The following UNC13C variants were observed in gnomAD, a reference collection of about 807,000 sequenced individuals.
The protein encoded by UNC13C is protein unc-13 homolog C.
In UNC13C, 174 loss-of-function variants were observed where a neutral mutation model predicts 245.4. The ratio of observed to expected loss-of-function variants is 0.71; its 90% CI spans 0.63 to 0.80. The LOEUF (loss-of-function observed/expected upper bound fraction) is 0.80, where lower values mean the gene tolerates loss of function less well. Among genes scored for constraint, UNC13C ranks in the 30% least tolerant of loss-of-function variants. UNC13C has a pLI of 0.00. For synonymous variants in UNC13C, 992 were observed against 895.1 expected (o/e 1.11, Z -1.93); for missense variants, 2,829 against 2,602.9 (o/e 1.09, Z -1.89).
At chr15:54,594,158 C>T (rs1172228323) in intron 30 of UNC13C, among the ~76,000 whole-genome samples, 1 of 152,160 alleles carries the variant, frequency 6.6e-6, no homozygotes, top group Non-Finnish European at 1.5e-5. Context: ...GTTGTCTGCA[C>T]AGAGTCTTGT....
chr15:54,248,209 A>C (rs985437979), intron 7 of UNC13C, among the ~76,000 whole-genome samples: 2 of 152,070 alleles, frequency 1.3e-5, no homozygotes, highest in Non-Finnish European at 2.9e-5. Flanking sequence ...TTATTATTCT[A>C]TTTTTATTAT....
intron 2 of UNC13C, among the ~76,000 whole-genome samples, chr15:54,088,201 CTTT>C (rs59075201): frequency 9.6e-6 from 1 of 103,918 alleles, no homozygotes; most frequent in African/African-American, 3.6e-5. Context: ...CTTCCTTTTC[CTTT>C]TTTTTTTTTT....
chr15:53,905,173 A>G, the UNC13C span, among the ~76,000 whole-genome samples: 1 of 152,124 alleles, frequency 6.6e-6, no homozygotes, highest in African/African-American at 2.4e-5. Context: ...TAAAAGCAGA[A>G]CTACCATATG....
intron 19 of UNC13C, among the ~76,000 whole-genome samples, chr15:54,429,546 T>G (rs74016624): frequency 0.011 from 1,681 of 151,888 alleles, 34 homozygotes; most frequent in African/African-American, 0.038. Context: ...ATCATTTCTT[T>G]AATCAAATTC....
At chr15:54,162,081 A>G (rs535943174) in intron 4 of UNC13C, among the ~76,000 whole-genome samples, 1 of 152,284 alleles carries the variant, frequency 6.6e-6, no homozygotes, top group East Asian at 1.9e-4. Flanking sequence ...GTCATTAGGA[A>G]ATTACATATA....
intron 2 of UNC13C, among the ~76,000 whole-genome samples, chr15:54,071,226 A>G (rs1472795204): frequency 6.6e-6 from 1 of 152,162 alleles, no homozygotes; most frequent in East Asian, 1.9e-4. Context: ...GGATTTCAGA[A>G]TTGCAGATAA....
Position 54,014,581 on chromosome 15 carries a change from T to C in UNC13C, c.1678T>C (p.Tyr560His), listed in dbSNP as rs1424682532. The change falls in exon 2 of 33, where the codon TAC becomes CAC. Residue 560 changes from tyrosine to histidine, a missense_variant. By Grantham distance (83) the Tyr-to-His change is moderately conservative (BLOSUM62 2). Transcript: ENST00000260323. ...AGATTTTTCCAAATTGTGTCAGTCT[T>C]ACTCAGAAGATTTTTCAGAAAATCA... ...ESDFSKLCQS[Y>H]SEDFSENQFF... 11 of 1,613,782 alleles carry C rather than the reference T, an allele frequency of 6.8e-6. No homozygotes were observed. Among genetic ancestry groups the C allele is most frequent in the Non-Finnish European group, 8.5e-6 (10 of 1,179,822 alleles).
intron 2 of UNC13C, among the ~76,000 whole-genome samples, chr15:54,132,074 C>CTTTTTTTTTTTTTTTTTT (rs1555420957): frequency 3.3e-4 from 36 of 110,668 alleles, no homozygotes; most frequent in African/African-American, 1.0e-3. Flanking sequence ...TTTTCTTTTT[C>CTTTTTTTTTTTTTTTTTT]TTTTTTTTTT....
At chr15:54,384,403 TG>T (rs1036125784) in intron 17 of UNC13C, among the ~76,000 whole-genome samples, 25 of 152,052 alleles carry the variant, frequency 1.6e-4, no homozygotes, top group African/African-American at 5.8e-4. Context: ...GAACATACAC[TG>T]GGGAAAGCAC....
At chr15:53,898,851 A>G in the UNC13C span, among the ~76,000 whole-genome samples, 1 of 152,334 alleles carries the variant, frequency 6.6e-6, no homozygotes, top group Non-Finnish European at 1.5e-5. Flanking sequence ...ATTGGTAATA[A>G]CTATGACTAT....
chr15:54,302,004 G>C (rs1054370761), intron 13 of UNC13C, among the ~76,000 whole-genome samples: 2 of 151,988 alleles, frequency 1.3e-5, no homozygotes, highest in African/African-American at 4.8e-5. Flanking sequence ...GATGGTATGT[G>C]ATTGTGGTTT....
intron 30 of UNC13C, among the ~76,000 whole-genome samples, chr15:54,571,567 C>T (rs1241226975): frequency 6.6e-6 from 1 of 152,184 alleles, no homozygotes; most frequent in East Asian, 1.9e-4. Context: ...ACCAAATACC[C>T]ATGAATAGTC....
In UNC13C at chr15:54,143,054, C is replaced by A; in HGVS notation, c.3006+14C>A. ...GTGGATGAAAAGGTTTTAAATCATA[C>A]TTATTCTTCCCTCCTGAGGAATCTT... is the stretch of plus-strand genomic sequence containing the variant. On this transcript the variant is annotated intron_variant, in intron 3 of 32. Transcript: ENST00000260323. 1 of 1,608,030 alleles carries A rather than the reference C, an allele frequency of 6.2e-7. No individual in the cohort carries two copies. Among genetic ancestry groups the A allele is most frequent in the Admixed American group, 1.7e-5 (1 of 59,990 alleles).
intron 4 of UNC13C, among the ~76,000 whole-genome samples, chr15:54,220,218 T>A (rs2140779546): frequency 6.6e-6 from 1 of 151,100 alleles, no homozygotes; most frequent in South Asian, 2.1e-4. Flanking sequence ...AATGATAGAC[T>A]GGATTAAGAA....
intron 8 of UNC13C, among the ~76,000 whole-genome samples, chr15:54,255,294 A>T (rs2036251328): frequency 6.6e-6 from 1 of 151,962 alleles, no homozygotes; most frequent in African/African-American, 2.4e-5. Flanking sequence ...GGGCTTGGAG[A>T]ATGAGTGCAA....
chr15:53,937,237 A>G, the UNC13C span, among the ~76,000 whole-genome samples: 1 of 151,948 alleles, frequency 6.6e-6, no homozygotes, highest in Non-Finnish European at 1.5e-5. Flanking sequence ...TCATAATGCA[A>G]TCACAAGTAT....
At chr15:54,083,440 C>T (rs183250031) in intron 2 of UNC13C, among the ~76,000 whole-genome samples, 13 of 152,128 alleles carry the variant, frequency 8.5e-5, no homozygotes, top group Admixed American at 8.5e-4. Context: ...GAGTTGGGCC[C>T]CAACCTTCAT....
At chr15:54,197,533 AT>A (rs1289908109) in intron 4 of UNC13C, among the ~76,000 whole-genome samples, 2 of 152,146 alleles carry the variant, frequency 1.3e-5, no homozygotes, top group Non-Finnish European at 2.9e-5. Flanking sequence ...ACAAAACTCA[AT>A]TGCATGATTA....
At chr15:54,500,024 T>C in intron 20 of UNC13C, 55 bp from the exon 21 acceptor site, 1 of 1,289,760 alleles carries the variant, frequency 7.8e-7, no homozygotes, top group African/African-American at 1.5e-5. Context: ...GCATTCCTGT[T>C]AATTTTATGC....
Sources: allele counts gnomAD v4.1 joint callset (sites outside exome capture counted in the v4.1 genomes callset), GRCh38; gene constraint gnomAD v4.1.1; transcripts MANE v1.5; gene names NCBI Gene and HGNC (gene_info 2026-07-23, HGNC 2026-07-21).